The following PCDHA4 variants were observed in gnomAD, a reference collection of about 807,000 sequenced individuals.
The protein encoded by PCDHA4 is protocadherin alpha-4.
A neutral mutation model predicts 61.4 loss-of-function variants in PCDHA4; 49 were observed. The observed-to-expected ratio is 0.80, with a 90% CI of 0.63 to 1.01. The LOEUF (loss-of-function observed/expected upper bound fraction) is 1.01, where lower values mean the gene tolerates loss of function less well. Among genes scored for constraint, PCDHA4 ranks in the 50% least tolerant of loss-of-function variants. The pLI is 0.00. For synonymous variants in PCDHA4, 590 were observed against 550.3 expected, an observed-to-expected ratio of 1.07 and a Z score of -1.01; for missense variants, 1,254 against 1,235.8, an observed-to-expected ratio of 1.01 and a Z score of -0.22.
intron 1 of PCDHA4, among the ~76,000 whole-genome samples, chr5:140,938,899 A>G (rs1175857132): frequency 1.3e-5 from 2 of 152,000 alleles, no homozygotes; most frequent in African/African-American, 2.4e-5. Context: ...ACAGATGCGC[A>G]CACACACACA....
rs781997820 is a variant in PCDHA4 at position 140,807,615 on chromosome 5, C to A, written c.428C>A (p.Ala143Glu). Residue 143 changes from alanine (A) to glutamate (E), a missense_variant, in exon 1 of 4, where the codon GCG (alanine) becomes GAG (glutamate). Ala to Glu is a moderately radical substitution (Grantham distance 107). Transcript: ENST00000530339. ...GCAACACAAAAGAACCTGTCCATCG[C>A]GGAATCCAGGCCGCTTGACTCTCGG... ...FPATQKNLSI[A>E]ESRPLDSRFP... The A allele has an allele frequency of 1.4e-5, 22 of 1,614,038 alleles. 1 individual carries two copies. In the South Asian group the frequency reaches 2.3e-4, roughly 17 times the overall value.
chr5:141,000,603 T>C (rs1237883625), intron 3 of PCDHA4, among the ~76,000 whole-genome samples: 1 of 150,986 alleles, frequency 6.6e-6, no homozygotes, highest in Admixed American at 6.6e-5. Flanking sequence ...AATTTTTGTA[T>C]TTTTAGTAGA....
chr5:140,807,072 A>ATG lies in PCDHA4; in HGVS notation c.-116_-115insTG. On this transcript the variant is annotated 5_prime_UTR_variant, in exon 1 of 4. In the 5' UTR this introduces an upstream ATG that the reference lacks. Transcript: ENST00000530339. ...CTATTCTTACTGGAAGGAACCATATACACTCTTTGGAGTCTGAAATATGGA... is the reference window on the plus strand; with the variant it reads ...CTATTCTTACTGGAAGGAACCATATATGCACTCTTTGGAGTCTGAAATATGGA... 1 of 1,174,706 alleles carries ATG rather than the reference A, an allele frequency of 8.5e-7. No homozygotes were observed. Among genetic ancestry groups the ATG allele is most frequent in the Non-Finnish European group, 1.2e-6 (1 of 825,244 alleles). The allele number at this position is 1,174,706 out of a possible 1,614,324, so 72.8% of individuals were successfully genotyped here. A position where few individuals can be genotyped will look rare whatever the true frequency, so the allele number is the denominator to read the frequency against.
Position 140,835,250 on chromosome 5 carries a change from A to G in PCDHA4, c.2385+25678A>G, listed in dbSNP as rs1313960035. 30 of 1,605,300 alleles carry G rather than the reference A, an allele frequency of 1.9e-5. No individual in the cohort carries two copies. In the African/African-American group the frequency reaches 3.1e-4, roughly 17 times the overall value. ...TCTCCAGTGATGTTTCTCCAGATAT[A>G]AAATCCAAGTTCCACATGGACCCCT... On this transcript the variant is annotated intron_variant, in intron 1 of 3. Transcript: ENST00000530339.
intron 1 of PCDHA4, among the ~76,000 whole-genome samples, chr5:140,826,093 T>C (rs1198745470): frequency 2.6e-5 from 4 of 152,224 alleles, no homozygotes; most frequent in Non-Finnish European, 4.4e-5. Flanking sequence ...TAAGTACCCT[T>C]CTATCATGCT....
intron 1 of PCDHA4, chr5:140,842,240 A>G: frequency 6.2e-7 from 1 of 1,612,484 alleles, no homozygotes; most frequent in East Asian, 2.2e-5. Context: ...GATTCGGGGT[A>G]ATTTGGATTT....
intron 1 of PCDHA4, chr5:140,884,087 CT>C (rs782425411): frequency 6.2e-7 from 1 of 1,613,564 alleles, no homozygotes; most frequent in South Asian, 1.1e-5. Context: ...CAATGCGTGG[CT>C]TTCGTATGAA....
In PCDHA4 at chr5:140,856,320, G is replaced by T. The variant is rs2043925109; in HGVS notation, c.2385+46748G>T. 1.8e-5 allele frequency: 28 copies of T among 1,598,544 alleles called. 3 individuals carry two copies. Among genetic ancestry groups the T allele is most frequent in the Non-Finnish European group, 2.4e-5 (28 of 1,168,074 alleles). ...TTGTTTGTGAATTCTCGGATTGACC[G>T]CGAGGAGCTGTGCGGGCGGAGCGTG... On this transcript the variant is annotated intron_variant, in intron 1 of 3. Coordinates refer to ENST00000530339, the MANE Select transcript of PCDHA4 (RefSeq NM_018907.4).
intron 1 of PCDHA4, chr5:140,876,435 C>A (rs1380633697): frequency 1.9e-6 from 3 of 1,613,852 alleles, no homozygotes; most frequent in Non-Finnish European, 1.7e-6. Context: ...TTCAGGTTAA[C>A]GCCATTGATA....
chr5:140,909,767 G>A (rs114075983), intron 1 of PCDHA4, among the ~76,000 whole-genome samples: 11,557 of 152,088 alleles, frequency 0.076, 504 homozygotes, highest in Middle Eastern at 0.14. Context: ...TGAGTCCAGG[G>A]ACCCACTGGA....
chr5:140,835,745 G>C (rs2150243893), intron 1 of PCDHA4: 2 of 1,613,472 alleles, frequency 1.2e-6, no homozygotes, highest in South Asian at 2.2e-5. Context: ...ACGCCCCGGC[G>C]TTCGCGCAGC....
intron 1 of PCDHA4, chr5:140,858,069 C>A: frequency 6.3e-7 from 1 of 1,597,662 alleles, no homozygotes; most frequent in Non-Finnish European, 8.6e-7. Flanking sequence ...GGCAGCCAGG[C>A]ACCCAAGGCC....
chr5:140,978,865 A>G, intron 1 of PCDHA4, 84 bp from the exon 2 acceptor site: 1 of 1,602,026 alleles, frequency 6.2e-7, no homozygotes, highest in South Asian at 1.1e-5. Flanking sequence ...GAAATATTTA[A>G]GGGAGTAACT....
At chr5:140,966,680 A>AGCG in intron 1 of PCDHA4, 1 of 1,317,158 alleles carries the variant, frequency 7.6e-7, no homozygotes, top group Non-Finnish European at 9.8e-7. Flanking sequence ...GGGTGGCACG[A>AGCG]GCGGAGGCGG....
chr5:140,926,683 C>A, intron 1 of PCDHA4: 3 of 669,314 alleles, frequency 4.5e-6, no homozygotes, highest in Non-Finnish European at 6.7e-6. Context: ...AGCCTCCAGC[C>A]TAGCAAGCCC....
At chr5:140,952,325 T>G in intron 1 of PCDHA4, among the ~76,000 whole-genome samples, 1 of 133,382 alleles carries the variant, frequency 7.5e-6, no homozygotes, top group Non-Finnish European at 1.6e-5. Context: ...GCAACAAGAG[T>G]GAAACTCCAT....
intron 1 of PCDHA4, among the ~76,000 whole-genome samples, chr5:140,976,067 T>C (rs1554237245): frequency 6.6e-6 from 1 of 152,218 alleles, no homozygotes; most frequent in Non-Finnish European, 1.5e-5. Flanking sequence ...ATATATGTCT[T>C]ACTGTGTCAG....
chr5:140,869,509 A>G (rs199564677), intron 1 of PCDHA4: 13 of 1,614,206 alleles, frequency 8.1e-6, no homozygotes, highest in Middle Eastern at 1.6e-4. Context: ...GTTCTCGCTC[A>G]GAGAACAAAA....
At chr5:140,870,483 C>G (rs782740203) in intron 1 of PCDHA4, 10 of 1,614,240 alleles carry the variant, frequency 6.2e-6, no homozygotes, top group Middle Eastern at 1.6e-4. Context: ...CCGAGTACAC[C>G]GTGTTCGTGA....
Sources: allele counts gnomAD v4.1 joint callset (sites outside exome capture counted in the v4.1 genomes callset), GRCh38; gene constraint gnomAD v4.1.1; transcripts MANE v1.5; gene names NCBI Gene and HGNC (gene_info 2026-07-23, HGNC 2026-07-21).